DIAPH1: variants seen among roughly 807,000 people sequenced by gnomAD.
DIAPH1 encodes diaphanous related formin 1.
DIAPH1 carries 46 observed loss-of-function variants against 140.7 expected under a neutral mutation model. The ratio of observed to expected loss-of-function variants is 0.33; its 90% confidence interval spans 0.26 to 0.42. The LOEUF (loss-of-function observed/expected upper bound fraction) is 0.42. Ranked by LOEUF, DIAPH1 falls within the 10% of genes least tolerant of loss-of-function variation. The pLI is 1.00. For missense variants in DIAPH1, 1,310 were observed against 1,558.7 expected (o/e 0.84, Z 2.69); for synonymous variants, 565 against 551.6 (o/e 1.02, Z -0.34).
intron 21 of DIAPH1, 78 bp downstream of exon 21, chr5:141,529,094 C>T: frequency 6.5e-7 from 1 of 1,541,020 alleles, no homozygotes; most frequent in East Asian, 2.2e-5. Flanking sequence ...CGGCAAGGAG[C>T]ATATGCCCAG....
intron 27 of DIAPH1, among the ~76,000 whole-genome samples, chr5:141,521,784 T>C (rs1480984982): frequency 6.6e-6 from 1 of 152,170 alleles, no homozygotes; most frequent in Non-Finnish European, 1.5e-5. Flanking sequence ...GAGAAACCTA[T>C]AGCCAGTGGA....
chr5:141,517,454 G>A (rs537026168), intron 27 of DIAPH1, among the ~76,000 whole-genome samples: 1 of 152,322 alleles, frequency 6.6e-6, no homozygotes, highest in South Asian at 2.1e-4. Flanking sequence ...TTCTCAGTCA[G>A]CCCTGGGAGG....
At position 141,529,248 on chromosome 5, in the gene DIAPH1, G is replaced by A. The variant is rs200114505; in HGVS notation, c.2702C>T (p.Pro901Leu). 2 of 1,614,088 alleles carry A rather than the reference G, an allele frequency of 1.2e-6. No individual in the cohort carries two copies. Among genetic ancestry groups the A allele is most frequent in the Admixed American group, 1.7e-5 (1 of 60,026 alleles). Residue 901 changes from proline (P) to leucine (L), a missense_variant, in exon 21 of 28, where the codon CCA becomes CTA. Pro to Leu is a moderately conservative substitution (Grantham distance 98). Around this residue, in one of 3 missense-constraint regions of DIAPH1, gnomAD observed 344 missense variants for 512.2 expected, o/e 0.67. Coordinates refer to ENST00000389054, the MANE Select transcript of DIAPH1 (RefSeq NM_005219.5). ...IQNLIKQMPE[P>L]EQLKMLSELK... ...TTCAGAAAGCATTTTTAACTGCTCT[G>A]GCTCTGGCATTTGCTTAATGAGGTT... is the stretch of plus-strand genomic sequence containing the variant.
chr5:141,538,438 C>T (rs543891256), intron 18 of DIAPH1, among the ~76,000 whole-genome samples: 10 of 152,056 alleles, frequency 6.6e-5, no homozygotes, highest in East Asian at 1.9e-4. Context: ...CTGCAAACTC[C>T]GCCTCCCAGG....
At chr5:141,579,899 G>C (rs1357903542) in intron 8 of DIAPH1, among the ~76,000 whole-genome samples, 3 of 149,316 alleles carry the variant, frequency 2.0e-5, no homozygotes, top group African/African-American at 7.4e-5. Context: ...AGTGGGCCGA[G>C]ATCGCGCCAC....
At chr5:141,579,334 C>A in intron 8 of DIAPH1, 138 bp from the exon 9 acceptor site, 1 of 792,742 alleles carries the variant, frequency 1.3e-6, no homozygotes, top group South Asian at 1.4e-5. Flanking sequence ...CATTATTATT[C>A]TCACCACTCA....
intron 18 of DIAPH1, among the ~76,000 whole-genome samples, chr5:141,561,364 GTTT>G (rs957167891): frequency 2.2e-5 from 3 of 137,358 alleles, no homozygotes; most frequent in Non-Finnish European, 4.8e-5. Context: ...AAAGAGTTTT[GTTT>G]TTTTTTTTTT....
intron 18 of DIAPH1, chr5:141,558,325 C>T (rs2099892973): frequency 6.6e-6 from 1 of 152,064 alleles, no homozygotes; most frequent in Non-Finnish European, 1.5e-5. Flanking sequence ...CATGATTCCC[C>T]AGCTTCAATA....
intron 18 of DIAPH1, among the ~76,000 whole-genome samples, chr5:141,547,426 C>T (rs563395159): frequency 1.6e-4 from 24 of 152,176 alleles, no homozygotes; most frequent in African/African-American, 5.5e-4. Flanking sequence ...GATCGCGGCA[C>T]TGCACTCCAG....
chr5:141,586,412 C>G (rs1407035691), intron 3 of DIAPH1, among the ~76,000 whole-genome samples: 3 of 152,196 alleles, frequency 2.0e-5, no homozygotes, highest in South Asian at 4.1e-4. Context: ...CATATCTATG[C>G]AATATACAGG....
chr5:141,516,853 A>T lies in DIAPH1; in HGVS notation c.3817T>A (p.Ter1273LysextTer39). 1 of 1,614,116 alleles carries T rather than the reference A, an allele frequency of 6.2e-7. No individual in the cohort carries two copies. Among genetic ancestry groups the T allele is most frequent in the South Asian group, 1.1e-5 (1 of 91,080 alleles). Reference sequence around the variant, plus strand: ...CTGCCGCGGTCACAGGACCCACATTAGCTTGCACGGCCAACCAACTCCTTG... The same window carrying T: ...CTGCCGCGGTCACAGGACCCACATTTGCTTGCACGGCCAACCAACTCCTTG... ...EAKELVGRAS[*>K] is the part of the protein sequence containing the mutation. The change falls in exon 28 of 28, where the codon TAA (stop) becomes AAA (lysine). Residue 1273 changes from the stop codon to lysine, a stop_lost. Transcript: ENST00000389054.
Position 141,534,398 on chromosome 5 carries a change from A to T in DIAPH1, c.2518T>A (p.Ser840Thr). ...TCTTTTACTTTTTTCTTTTGCACAGATTTCTTTTCTTCTCCACCTTCTTGA... is the reference window on the plus strand; with the variant it reads ...TCTTTTACTTTTTTCTTTTGCACAGTTTTCTTTTCTTCTCCACCTTCTTGA... ...KDQEGGEEKK[S>T]VQKKKVKELK... Residue 840 changes from serine to threonine, a missense_variant, in exon 19 of 28, where the codon TCT becomes ACT. By Grantham distance (58) the Ser-to-Thr change is moderately conservative. Transcript: ENST00000389054. 6.2e-7 allele frequency: 1 copy of T among 1,613,868 alleles called. No individual in the cohort carries two copies. Among genetic ancestry groups the T allele is most frequent in the South Asian group, 1.1e-5 (1 of 91,074 alleles).
intron 27 of DIAPH1, chr5:141,518,661 T>A: frequency 2.3e-6 from 1 of 429,066 alleles, no homozygotes; most frequent in Non-Finnish European, 4.3e-6. Flanking sequence ...TAGCTGGGAC[T>A]ATAAGCATGT....
Position 141,516,744 on chromosome 5 carries a change from G to A in DIAPH1, c.*107C>T. ...GAGAGAAAGACAGGGTCAGGGTGGT[G>A]GGAGTGGCCACCCCAGAGGAATATC... On this transcript the variant is annotated 3_prime_UTR_variant, in exon 28 of 28. Transcript: ENST00000389054. 1 of 1,249,884 alleles carries A rather than the reference G, an allele frequency of 8.0e-7. No homozygotes were observed. The highest frequency in any genetic ancestry group is 1.2e-6 in the Non-Finnish European group (1 of 867,962). 77.4% of individuals were successfully genotyped at this position (1,249,884 alleles called of 1,614,324 possible).
At chr5:141,612,545 A>G (rs2099902006) in intron 1 of DIAPH1, among the ~76,000 whole-genome samples, 1 of 152,256 alleles carries the variant, frequency 6.6e-6, no homozygotes, top group African/African-American at 2.4e-5. Context: ...AAGGGTTCAT[A>G]CTGTATGATT....
At chr5:141,526,263 C>A in intron 25 of DIAPH1, 34 bp downstream of exon 25, 1 of 1,614,142 alleles carries the variant, frequency 6.2e-7, no homozygotes. Context: ...GAAATGCCCA[C>A]AAAAGATTCA....
chr5:141,552,193 GTT>G (rs199775030), intron 18 of DIAPH1, among the ~76,000 whole-genome samples: 5 of 143,408 alleles, frequency 3.5e-5, no homozygotes, highest in African/African-American at 2.5e-5. Flanking sequence ...TGTTTTTGTT[GTT>G]TTTTTTTTTT....
chr5:141,567,504 G>T (rs908192654), intron 18 of DIAPH1, among the ~76,000 whole-genome samples: 1 of 152,200 alleles, frequency 6.6e-6, no homozygotes, highest in Admixed American at 6.5e-5. Flanking sequence ...CCCAACAAGT[G>T]TTCACTTGAC....
chr5:141,612,652 G>A (rs116677932), intron 1 of DIAPH1, among the ~76,000 whole-genome samples: 1 of 152,162 alleles, frequency 6.6e-6, no homozygotes, highest in Non-Finnish European at 1.5e-5. Context: ...ATGGGTGAGA[G>A]GGAGGGATAA....
Sources: allele counts gnomAD v4.1 joint callset (sites outside exome capture counted in the v4.1 genomes callset), GRCh38; gene constraint gnomAD v4.1.1; regional missense constraint gnomAD v4.1.1; transcripts MANE v1.5; gene names NCBI Gene and HGNC (gene_info 2026-07-23, HGNC 2026-07-21).